Variants in TMEM132D observed in about 807,000 individuals in gnomAD.
TMEM132D encodes mature OL transmembrane protein.
In TMEM132D, 21 loss-of-function variants were observed where a neutral mutation model predicts 62.3. That is an observed-to-expected ratio of 0.34 (90% CI 0.24 to 0.49). The LOEUF (loss-of-function observed/expected upper bound fraction) is 0.49, where lower values mean the gene tolerates loss of function less well. Among genes scored for constraint, TMEM132D ranks in the 20% least tolerant of loss-of-function variants. The pLI is 0.99. For missense variants in TMEM132D, 1,346 were observed against 1,402.8 expected (o/e 0.96, Z 0.65); for synonymous variants, 621 against 575.6 (o/e 1.08, Z -1.13).
intron 1 of TMEM132D, among the ~76,000 whole-genome samples, chr12:129,709,263 T>C (rs1881583002): frequency 6.6e-6 from 1 of 152,174 alleles, no homozygotes. Flanking sequence ...ATTCATTGTA[T>C]ATCTAAGAAT....
intron 4 of TMEM132D, among the ~76,000 whole-genome samples, chr12:129,231,807 A>G (rs1314746864): frequency 2.0e-5 from 3 of 152,224 alleles, no homozygotes; most frequent in Non-Finnish European, 2.9e-5. Context: ...GAAAACATGA[A>G]CATAGAGCCA....
chr12:129,243,682 A>C (rs1879994340), intron 4 of TMEM132D, among the ~76,000 whole-genome samples: 1 of 152,184 alleles, frequency 6.6e-6, no homozygotes, highest in Non-Finnish European at 1.5e-5. Context: ...ATCATCTGGC[A>C]AGATTTGATT....
At chr12:129,866,136 T>A (rs1019695751) in intron 1 of TMEM132D, among the ~76,000 whole-genome samples, 4 of 152,292 alleles carry the variant, frequency 2.6e-5, no homozygotes, top group Middle Eastern at 3.4e-3. Context: ...GGGTTCGACA[T>A]GACTATTCAC....
At chr12:129,093,413 A>G (rs1290694779) in intron 5 of TMEM132D, among the ~76,000 whole-genome samples, 1 of 152,140 alleles carries the variant, frequency 6.6e-6, no homozygotes, top group Non-Finnish European at 1.5e-5. Context: ...GAGCCAAATC[A>G]TGAGTGAACT....
At chr12:129,104,061 C>T (rs1255929210) in intron 5 of TMEM132D, among the ~76,000 whole-genome samples, 1 of 150,522 alleles carries the variant, frequency 6.6e-6, no homozygotes. Context: ...CATATGGAAC[C>T]AAAAAAGAGC....
chr12:129,830,277 C>T (rs1173962844), intron 1 of TMEM132D, among the ~76,000 whole-genome samples: 1 of 152,090 alleles, frequency 6.6e-6, no homozygotes, highest in Non-Finnish European at 1.5e-5. Flanking sequence ...CGATAGATGA[C>T]AACATACACA....
intron 3 of TMEM132D, among the ~76,000 whole-genome samples, chr12:129,413,383 T>C (rs949847168): frequency 1.4e-4 from 21 of 152,218 alleles, no homozygotes; most frequent in Non-Finnish European, 2.6e-4. Flanking sequence ...GCTATGATTG[T>C]GAGACCTCCC....
chr12:129,456,789 G>A (rs1261474817), intron 3 of TMEM132D, among the ~76,000 whole-genome samples: 1 of 152,102 alleles, frequency 6.6e-6, no homozygotes, highest in Non-Finnish European at 1.5e-5. Flanking sequence ...TCGGGTTCCT[G>A]GTTTTGTGTT....
intron 1 of TMEM132D, among the ~76,000 whole-genome samples, chr12:129,814,337 C>T (rs930919853): frequency 3.5e-4 from 54 of 152,202 alleles, no homozygotes; most frequent in African/African-American, 4.6e-4. Flanking sequence ...ACGCCAGGTG[C>T]GGTGGCTCAC....
At chr12:129,104,700 AAAAC>A (rs1408872592) in intron 5 of TMEM132D, among the ~76,000 whole-genome samples, 1 of 151,644 alleles carries the variant, frequency 6.6e-6, no homozygotes, top group South Asian at 2.1e-4. Flanking sequence ...TTACAAGAAA[AAAAC>A]AAACAACCCC....
chr12:129,888,423 C>A (rs186161353), intron 1 of TMEM132D, among the ~76,000 whole-genome samples: 4 of 152,210 alleles, frequency 2.6e-5, no homozygotes, highest in Admixed American at 2.6e-4. Context: ...CCTGTCTGGG[C>A]GCGATGGCTC....
At chr12:129,892,537 C>A (rs897385406) in intron 1 of TMEM132D, among the ~76,000 whole-genome samples, 1 of 152,136 alleles carries the variant, frequency 6.6e-6, no homozygotes, top group Non-Finnish European at 1.5e-5. Context: ...TCTCCTCCTC[C>A]TCGTTTTTTC....
intron 4 of TMEM132D, among the ~76,000 whole-genome samples, chr12:129,282,308 G>A (rs1413422281): frequency 6.6e-6 from 1 of 152,148 alleles, no homozygotes; most frequent in Non-Finnish European, 1.5e-5. Context: ...TTCCAACCCA[G>A]GCAGAGCCCG....
intron 2 of TMEM132D, among the ~76,000 whole-genome samples, chr12:129,639,127 A>C (rs902258310): frequency 2.6e-5 from 4 of 152,138 alleles, no homozygotes; most frequent in Non-Finnish European, 5.9e-5. Context: ...TCACACCTGT[A>C]ATCTCAGCAC....
intron 5 of TMEM132D, among the ~76,000 whole-genome samples, chr12:129,194,464 G>C (rs1001326275): frequency 6.6e-6 from 1 of 152,192 alleles, no homozygotes; most frequent in African/African-American, 2.4e-5. Flanking sequence ...CGTGAGGGTG[G>C]AGGGTGGGAG....
rs1878466616 is a variant in TMEM132D at position 129,600,915 on chromosome 12, G to T, written c.969-69710C>A. Among the ~76,000 whole-genome samples the T allele has an allele frequency of 1.3e-5, 2 of 152,128 alleles. 1 individual carries two copies. Among genetic ancestry groups the T allele is most frequent in the South Asian group, 4.1e-4 (2 of 4,834 alleles). The stretch of plus-strand genomic sequence containing the variant: ...ATTTCAGAGTGGTAAATGCGTGTTG[G>T]CTTCAACTTAAAGTCACCAGCTGCA... On this transcript the variant is annotated intron_variant, in intron 2 of 8. Transcript: ENST00000422113.
At chr12:129,667,934 T>C (rs1180398763) in intron 2 of TMEM132D, among the ~76,000 whole-genome samples, 3 of 147,992 alleles carry the variant, frequency 2.0e-5, no homozygotes, top group Non-Finnish European at 3.0e-5. Context: ...CAAATTTCCT[T>C]GTCCATCGTG....
chr12:129,226,068 G>A (rs1335642734), intron 4 of TMEM132D, among the ~76,000 whole-genome samples: 1 of 152,196 alleles, frequency 6.6e-6, no homozygotes, highest in Non-Finnish European at 1.5e-5. Context: ...TGAGTGGTTT[G>A]AGGGACTTTC....
intron 1 of TMEM132D, among the ~76,000 whole-genome samples, chr12:129,826,102 A>G (rs1872654951): frequency 1.3e-5 from 2 of 152,118 alleles, no homozygotes; most frequent in South Asian, 4.1e-4. Flanking sequence ...TTAAGTCAGT[A>G]GTGGTCCTGA....
Sources: gnomAD v4.1 joint callset for allele counts (sites outside exome capture counted in the v4.1 genomes callset) on GRCh38, gnomAD v4.1.1 for gene constraint, MANE v1.5 for transcripts, NCBI Gene and HGNC (gene_info 2026-07-23, HGNC 2026-07-21) for gene names.